The following CSMD1 variants were observed in gnomAD, a reference collection of about 807,000 sequenced individuals.
CSMD1 encodes the protein CUB and sushi domain-containing protein 1.
In CSMD1, 213 loss-of-function variants were observed where a neutral mutation model predicts 417.5. The ratio of observed to expected loss-of-function variants is 0.51; its 90% confidence interval spans 0.46 to 0.57. CSMD1 has a LOEUF of 0.57. CSMD1 is among the 20% of genes least tolerant of loss of function. CSMD1 has a pLI of 0.00. For missense variants in CSMD1, 6,923 were observed against 4,529.7 expected, an observed-to-expected ratio of 1.53 and a Z score of -15.17; for synonymous variants, 2,862 against 1,736.8, an observed-to-expected ratio of 1.65 and a Z score of -16.11.
chr8:4,562,478 G>C (rs1000350390), intron 2 of CSMD1, among the ~76,000 whole-genome samples: 36 of 152,138 alleles, frequency 2.4e-4, no homozygotes, highest in African/African-American at 8.4e-4. Context: ...GAATTCATTA[G>C]AAATCTTATC....
intron 2 of CSMD1, among the ~76,000 whole-genome samples, chr8:4,510,389 CTAAAAAAA>C (rs1261158732): frequency 5.5e-4 from 6 of 10,960 alleles, no homozygotes; most frequent in African/African-American, 1.7e-3. Context: ...AGCATAATGC[CTAAAAAAA>C]AAAAAAAAAA....
intron 1 of CSMD1, among the ~76,000 whole-genome samples, chr8:4,744,508 G>C (rs1388184437): frequency 3.3e-5 from 5 of 152,112 alleles, no homozygotes; most frequent in East Asian, 3.9e-4. Context: ...GTTTTTCTTT[G>C]TGATAATGGT....
intron 41 of CSMD1, among the ~76,000 whole-genome samples, chr8:3,122,832 G>A (rs917392423): frequency 6.6e-6 from 1 of 152,110 alleles, no homozygotes; most frequent in African/African-American, 2.4e-5. Flanking sequence ...TCAGCAGCGT[G>A]AAAATGGACT....
intron 2 of CSMD1, among the ~76,000 whole-genome samples, chr8:4,563,036 T>A (rs1798419229): frequency 6.6e-6 from 1 of 152,210 alleles, no homozygotes; most frequent in African/African-American, 2.4e-5. Flanking sequence ...AAACAGTGTT[T>A]TATTTGTATT....
chr8:4,630,542 G>A (rs144331337), intron 2 of CSMD1, among the ~76,000 whole-genome samples: 1 of 151,852 alleles, frequency 6.6e-6, no homozygotes. Context: ...CTTACCTAGG[G>A]GTCACTAATT....
intron 3 of CSMD1, among the ~76,000 whole-genome samples, chr8:4,345,673 G>C (rs568026533): frequency 6.6e-6 from 1 of 152,206 alleles, no homozygotes; most frequent in South Asian, 2.1e-4. Context: ...CCTTTCTCAA[G>C]ATATGAAATG....
chr8:4,756,043 A>G (rs1448146772), intron 1 of CSMD1, among the ~76,000 whole-genome samples: 1 of 152,254 alleles, frequency 6.6e-6, no homozygotes, highest in Non-Finnish European at 1.5e-5. Flanking sequence ...ACAAATACAA[A>G]TGCTAAATCT....
chr8:3,164,801 G>C (rs1402935364), intron 37 of CSMD1, among the ~76,000 whole-genome samples: 1 of 152,100 alleles, frequency 6.6e-6, no homozygotes, highest in Non-Finnish European at 1.5e-5. Context: ...AATGAAAAGT[G>C]AAACATTACA....
intron 2 of CSMD1, among the ~76,000 whole-genome samples, chr8:4,484,282 T>C (rs2130151956): frequency 6.6e-6 from 1 of 152,274 alleles, no homozygotes; most frequent in East Asian, 1.9e-4. Flanking sequence ...AGGTTTCATT[T>C]TGTTTTGTCC....
At chr8:3,630,646 G>A (rs973541700) in intron 7 of CSMD1, among the ~76,000 whole-genome samples, 1 of 152,312 alleles carries the variant, frequency 6.6e-6, no homozygotes, top group East Asian at 1.9e-4. Context: ...AAGGGCAGCA[G>A]ACAGATTTCA....
intron 26 of CSMD1, among the ~76,000 whole-genome samples, chr8:3,257,799 C>A (rs571324478): frequency 5.5e-4 from 83 of 151,814 alleles, no homozygotes; most frequent in Admixed American, 9.8e-4. Flanking sequence ...GGTGTGAGGG[C>A]GATCGGTGGG....
At chr8:4,647,209 G>C (rs1467463175) in intron 1 of CSMD1, among the ~76,000 whole-genome samples, 2 of 150,416 alleles carry the variant, frequency 1.3e-5, no homozygotes, top group Non-Finnish European at 2.9e-5. Context: ...ACTTCAGAGT[G>C]TTTCGGGCGC....
At chr8:4,206,907 A>T (rs910727022) in intron 3 of CSMD1, among the ~76,000 whole-genome samples, 7 of 152,234 alleles carry the variant, frequency 4.6e-5, no homozygotes, top group African/African-American at 1.7e-4. Flanking sequence ...ATATTTTATA[A>T]TTTAGAGTTG....
At chr8:4,616,157 A>G (rs144810322) in intron 2 of CSMD1, among the ~76,000 whole-genome samples, 2,766 of 152,334 alleles carry the variant, frequency 0.018, 41 homozygotes, top group Non-Finnish European at 0.03. Context: ...ATAAATGAAC[A>G]GATCCCATAG....
chr8:4,201,040 G>C (rs915577798), intron 3 of CSMD1, among the ~76,000 whole-genome samples: 1 of 152,096 alleles, frequency 6.6e-6, no homozygotes, highest in Admixed American at 6.6e-5. Flanking sequence ...CTACAGAGAC[G>C]AATTCAAACA....
chr8:4,297,957 T>C (rs970106629), intron 3 of CSMD1, among the ~76,000 whole-genome samples: 2 of 152,148 alleles, frequency 1.3e-5, no homozygotes, highest in Non-Finnish European at 2.9e-5. Context: ...AGGTGACGGA[T>C]TACCTGAAGA....
At chr8:4,306,099 C>G (rs187915793) in intron 3 of CSMD1, among the ~76,000 whole-genome samples, 1 of 152,178 alleles carries the variant, frequency 6.6e-6, no homozygotes, top group South Asian at 2.1e-4. Context: ...AATGAATCTT[C>G]TTTTGCTTTT....
intron 1 of CSMD1, among the ~76,000 whole-genome samples, chr8:4,778,170 G>A (rs1045486321): frequency 1.3e-5 from 2 of 152,072 alleles, no homozygotes; most frequent in Non-Finnish European, 2.9e-5. Flanking sequence ...AAACAAATAT[G>A]TCATAAAATT....
intron 3 of CSMD1, among the ~76,000 whole-genome samples, chr8:4,077,295 G>GGGTATATATATATATATATATATATA (rs1554439869): frequency 1.1e-5 from 1 of 88,900 alleles, no homozygotes; most frequent in African/African-American, 4.3e-5. Context: ...ATATATATAT[G>GGGTATATATATATATATATATATATA]TGTATATATA....
Sources: allele counts gnomAD v4.1 joint callset (sites outside exome capture counted in the v4.1 genomes callset), GRCh38; gene constraint gnomAD v4.1.1; transcripts MANE v1.5; gene names NCBI Gene and HGNC (gene_info 2026-07-23, HGNC 2026-07-21).